The following SETBP1 variants were observed in gnomAD, a reference collection of about 807,000 sequenced individuals.
The protein encoded by SETBP1 is SET-binding protein.
Under a neutral mutation model 101.0 loss-of-function variants are expected in SETBP1, and 9 were observed. The ratio of observed to expected loss-of-function variants is 0.09; its 90% CI spans 0.05 to 0.16. The LOEUF (loss-of-function observed/expected upper bound fraction) is 0.16. Among genes scored for constraint, SETBP1 ranks in the 10% least tolerant of loss-of-function variants. SETBP1 has a pLI of 1.00. For synonymous variants in SETBP1, 818 were observed against 788.5 expected, an observed-to-expected ratio of 1.04 and a Z score of -0.63; for missense variants, 1,858 against 2,033.8, an observed-to-expected ratio of 0.91 and a Z score of 1.66.
intron 1 of SETBP1, among the ~76,000 whole-genome samples, chr18:44,684,952 A>C (rs1217828015): frequency 6.6e-6 from 1 of 152,100 alleles, no homozygotes; most frequent in Non-Finnish European, 1.5e-5. Flanking sequence ...CGACCGAGGA[A>C]CCATTATTTT....
At chr18:44,723,517 A>G (rs1305566490) in intron 2 of SETBP1, among the ~76,000 whole-genome samples, 1 of 152,206 alleles carries the variant, frequency 6.6e-6, no homozygotes, top group African/African-American at 2.4e-5. Context: ...GAAAAAAAAC[A>G]ACACCCTTTT....
chr18:44,898,683 A>C (rs920994699), intron 3 of SETBP1, among the ~76,000 whole-genome samples: 2 of 152,148 alleles, frequency 1.3e-5, no homozygotes, highest in Non-Finnish European at 2.9e-5. Flanking sequence ...AGTTTGGAGC[A>C]GAGTAAATTC....
intron 1 of SETBP1, among the ~76,000 whole-genome samples, chr18:44,693,293 G>A (rs2092875911): frequency 6.6e-6 from 1 of 152,148 alleles, no homozygotes; most frequent in Non-Finnish European, 1.5e-5. Context: ...AAGCCCTGGG[G>A]GTGACCATGG....
At chr18:44,948,919 T>G (rs1041381834) in intron 3 of SETBP1, among the ~76,000 whole-genome samples, 2 of 152,212 alleles carry the variant, frequency 1.3e-5, no homozygotes, top group Admixed American at 6.5e-5. Context: ...CTGGAGACAT[T>G]CCTTTAGAAT....
At position 45,050,678 on chromosome 18, in the gene SETBP1, C is replaced by T. The variant is rs890344472; in HGVS notation, c.4171+12023C>T. Reference sequence around the variant, plus strand: ...AAGGAATGGAAATTTTTCAGTGGTCCCAGCAATGTGTGTGAACACTCTGTG... The same window carrying T: ...AAGGAATGGAAATTTTTCAGTGGTCTCAGCAATGTGTGTGAACACTCTGTG... On this transcript the variant is annotated intron_variant, in intron 5 of 5. Transcript: ENST00000649279. 1.2e-4 allele frequency among the ~76,000 whole-genome samples: 18 copies of T among 152,246 alleles called. 1 individual carries two copies. Among genetic ancestry groups the T allele is most frequent in the Non-Finnish European group, 1.0e-4 (7 of 68,010 alleles).
At chr18:44,720,908 C>CA (rs2069574879) in intron 2 of SETBP1, among the ~76,000 whole-genome samples, 1 of 34,658 alleles carries the variant, frequency 2.9e-5, no homozygotes. Flanking sequence ...CCAACCCCCA[C>CA]CCCCCACCCC....
intron 1 of SETBP1, among the ~76,000 whole-genome samples, chr18:44,689,190 T>G (rs1050979142): frequency 1.3e-5 from 2 of 152,216 alleles, no homozygotes; most frequent in African/African-American, 4.8e-5. Context: ...AGAACAGCTT[T>G]GGCATAGGGG....
At chr18:44,780,280 G>A (rs2071098655) in intron 2 of SETBP1, among the ~76,000 whole-genome samples, 4 of 152,124 alleles carry the variant, frequency 2.6e-5, no homozygotes, top group Non-Finnish European at 5.9e-5. Flanking sequence ...CATACAGCTG[G>A]GCTTTGAGGA....
At chr18:45,059,925 T>C (rs2073866424) in intron 5 of SETBP1, among the ~76,000 whole-genome samples, 1 of 152,208 alleles carries the variant, frequency 6.6e-6, no homozygotes, top group Admixed American at 6.5e-5. Context: ...GTTGATCTCC[T>C]ACACAGCAGT....
At chr18:45,054,011 A>G (rs1338279020) in intron 5 of SETBP1, among the ~76,000 whole-genome samples, 1 of 152,166 alleles carries the variant, frequency 6.6e-6, no homozygotes, top group Admixed American at 6.5e-5. Context: ...TTTGGCGTTA[A>G]CTACATTTCT....
Position 44,952,112 on chromosome 18 carries a change from G to A in SETBP1, c.2772G>A (p.Val924=), listed in dbSNP as rs748307185. 1 of 1,614,070 alleles carries A rather than the reference G, an allele frequency of 6.2e-7. No homozygotes were observed. The highest frequency in any genetic ancestry group is 8.5e-7 in the Non-Finnish European group (1 of 1,180,040). The stretch of plus-strand genomic sequence containing the variant: ...GCCACCGGCAAAAGCATCTCATTGT[G>A]GACAACTTTCTGGCCCACGAAAGCC... ...RHGHRQKHLI[V]DNFLAHESLK... The change falls in exon 4 of 6, where the codon GTG becomes GTA. Residue 924 remains valine, a synonymous_variant. Transcript: ENST00000649279.
chr18:44,740,874 A>C (rs928246271), intron 2 of SETBP1, among the ~76,000 whole-genome samples: 1 of 152,332 alleles, frequency 6.6e-6, no homozygotes. Flanking sequence ...AATTTTATGG[A>C]TGGCTCTTTA....
At chr18:44,874,325 C>T (rs538230010) in intron 3 of SETBP1, among the ~76,000 whole-genome samples, 1 of 152,220 alleles carries the variant, frequency 6.6e-6, no homozygotes, top group East Asian at 1.9e-4. Context: ...TTGTCTGAAT[C>T]AGGAAACAGA....
intron 2 of SETBP1, among the ~76,000 whole-genome samples, chr18:44,784,694 C>T (rs188115725): frequency 2.6e-5 from 4 of 152,146 alleles, no homozygotes; most frequent in Non-Finnish European, 4.4e-5. Flanking sequence ...TACCAAACAC[C>T]CAGAACAGTG....
chr18:44,995,541 G>T (rs1250246735), intron 4 of SETBP1, among the ~76,000 whole-genome samples: 40 of 150,550 alleles, frequency 2.7e-4, no homozygotes, highest in African/African-American at 8.8e-4. Flanking sequence ...GTGTGTGTGT[G>T]TGTGTGTGTG....
chr18:44,819,518 G>A (rs763965824), intron 2 of SETBP1, among the ~76,000 whole-genome samples: 25 of 152,100 alleles, frequency 1.6e-4, no homozygotes, highest in Non-Finnish European at 3.2e-4. Context: ...CTTAATCTTC[G>A]TAAGATCCGA....
intron 2 of SETBP1, among the ~76,000 whole-genome samples, chr18:44,829,046 C>T (rs996613509): frequency 2.0e-5 from 3 of 152,226 alleles, no homozygotes; most frequent in African/African-American, 7.2e-5. Flanking sequence ...TTTCTGGTTA[C>T]ATCTACCAGA....
At chr18:44,993,291 T>TA (rs572252521) in intron 4 of SETBP1, among the ~76,000 whole-genome samples, 21 of 152,012 alleles carry the variant, frequency 1.4e-4, no homozygotes, top group Non-Finnish European at 3.1e-4. Context: ...AAAGTTACAT[T>TA]ACAGGTCTCA....
At position 44,814,760 on chromosome 18, in the gene SETBP1, C is replaced by T. The variant is rs115711129; in HGVS notation, c.487-54470C>T. Among the ~76,000 whole-genome samples, 1,456 of 152,340 alleles carry T rather than the reference C, an allele frequency of 9.6e-3. 16 individuals carry two copies. The highest frequency in any genetic ancestry group is 0.033 in the African/African-American group (1,374 of 41,570). On this transcript the variant is annotated intron_variant, in intron 2 of 5. Transcript: ENST00000649279. ...GCAGTGCACAACTTGTGCAGCTATT[C>T]ATAGTATTCCAGAATGTCAGAATCT...
Sources: gnomAD v4.1 joint callset for allele counts (sites outside exome capture counted in the v4.1 genomes callset) on GRCh38, gnomAD v4.1.1 for gene constraint, MANE v1.5 for transcripts, NCBI Gene and HGNC (gene_info 2026-07-23, HGNC 2026-07-21) for gene names.